Variants in ZNF81 observed in about 807,000 individuals in gnomAD.
ZNF81 encodes zinc finger protein 81 (HFZ20).
Under a neutral mutation model 32.3 loss-of-function variants are expected in ZNF81, and 5 were observed. The observed-to-expected ratio is 0.15, with a 90% CI of 0.08 to 0.33. ZNF81 has a LOEUF of 0.33. Ranked by LOEUF, ZNF81 falls within the 10% of genes least tolerant of loss-of-function variation. The pLI is 1.00. For missense variants in ZNF81, 379 were observed against 479.8 expected (o/e 0.79, Z 1.96); for synonymous variants, 163 against 166.8 (o/e 0.98, Z 0.17).
chrX:47,880,564 G>A (rs899271792), intron 2 of ZNF81, among the ~76,000 whole-genome samples: 22 of 112,048 alleles, frequency 2.0e-4, no homozygotes, highest in African/African-American at 6.2e-4. Flanking sequence ...CTTCTGTAAA[G>A]AATAAATTTC....
At chrX:47,881,933 T>A (rs1368868839) in intron 2 of ZNF81, among the ~76,000 whole-genome samples, 1 of 111,587 alleles carries the variant, frequency 9.0e-6, no homozygotes, top group African/African-American at 3.3e-5. Flanking sequence ...TATATCACCA[T>A]GCCTGGCTAA....
intron 3 of ZNF81, among the ~76,000 whole-genome samples, chrX:47,890,754 C>G (rs1279480742): frequency 1.8e-5 from 2 of 111,916 alleles, no homozygotes; most frequent in Non-Finnish European, 3.8e-5. Flanking sequence ...GTGTTACCTC[C>G]AAAATCCAAA....
chrX:47,858,736 T>C (rs1280398531), intron 2 of ZNF81, among the ~76,000 whole-genome samples: 6 of 112,169 alleles, frequency 5.3e-5, no homozygotes, highest in Non-Finnish European at 9.4e-5. Flanking sequence ...ATTTTAATGT[T>C]TCTTTTTAAT....
intron 4 of ZNF81, among the ~76,000 whole-genome samples, chrX:47,914,046 GA>G (rs1249227491): frequency 1.7e-4 from 18 of 108,940 alleles, no homozygotes; most frequent in Non-Finnish European, 2.5e-4. Context: ...TCTATTAGTG[GA>G]AAAAAAAAGA....
intron 1 of ZNF81, among the ~76,000 whole-genome samples, chrX:47,837,744 C>T (rs1389017826): frequency 1.8e-5 from 2 of 112,335 alleles, no homozygotes; most frequent in Admixed American, 1.9e-4. Flanking sequence ...GCCAGTACTA[C>T]CTTGCTGTCT....
chrX:47,887,077 ACTT>A (rs2058644594), intron 2 of ZNF81, among the ~76,000 whole-genome samples: 1 of 111,414 alleles, frequency 9.0e-6, no homozygotes, highest in East Asian at 2.8e-4. Flanking sequence ...TGTTGAAAAG[ACTT>A]CACTTTCGCC....
chrX:47,913,979 A>G (rs1365526933), intron 4 of ZNF81, among the ~76,000 whole-genome samples: 2 of 111,809 alleles, frequency 1.8e-5, no homozygotes, highest in Non-Finnish European at 3.8e-5. Context: ...AGGCAAGAAG[A>G]TACATGTGTA....
Position 47,919,821 on chromosome X carries a change from G to T in ZNF81, c.*3189G>T, listed in dbSNP as rs1431057675. On this transcript the variant is annotated 3_prime_UTR_variant, in exon 5 of 5. Transcript: ENST00000338637. ...TTAGGATTTTAACATATGAATTTTGGGGGGGATGCAATCATTCAGCCCATA... is the reference window on the plus strand; with the variant it reads ...TTAGGATTTTAACATATGAATTTTGTGGGGGATGCAATCATTCAGCCCATA... 9.0e-6 allele frequency: 1 copy of T among 111,093 alleles called. No homozygotes were observed. Among genetic ancestry groups the T allele is most frequent in the Non-Finnish European group, 1.9e-5 (1 of 53,018 alleles). 9.2% of individuals were successfully genotyped at this position (111,093 alleles called of 1,213,427 possible).
rs2058774246 is a variant in ZNF81, at chrX:47,920,826, C to A, written c.*4194C>A. ...CCTTAGGTCTACAGCTCTCATGAGT[C>A]TCCCGCACTCAGCCTTTAGCAATTC... On this transcript the variant is annotated 3_prime_UTR_variant, in exon 5 of 5. Transcript: ENST00000338637. 9.0e-6 allele frequency: 1 copy of A among 111,096 alleles called. No homozygotes were observed. The highest frequency in any genetic ancestry group is 3.3e-5 in the African/African-American group (1 of 30,502). 9.2% of individuals were successfully genotyped at this position (111,096 alleles called of 1,213,427 possible).
At chrX:47,846,742 C>A (rs1013898515) in intron 2 of ZNF81, among the ~76,000 whole-genome samples, 2 of 111,738 alleles carry the variant, frequency 1.8e-5, no homozygotes, top group African/African-American at 6.5e-5. Flanking sequence ...CAGAAGCAAG[C>A]ACCCTTACTC....
intron 4 of ZNF81, among the ~76,000 whole-genome samples, chrX:47,900,162 A>C (rs142419462): frequency 7.2e-4 from 81 of 111,768 alleles, no homozygotes; most frequent in African/African-American, 2.6e-3. Context: ...TTGAGGAAGA[A>C]GAAAAAGTAC....
intron 4 of ZNF81, among the ~76,000 whole-genome samples, chrX:47,910,697 G>C (rs782253026): frequency 6.3e-5 from 7 of 111,872 alleles, no homozygotes; most frequent in Non-Finnish European, 1.3e-4. Context: ...ACTAGGTGCT[G>C]TATTATAATA....
At chrX:47,906,801 A>T (rs1556889231) in intron 4 of ZNF81, among the ~76,000 whole-genome samples, 4 of 112,663 alleles carry the variant, frequency 3.6e-5, no homozygotes, top group African/African-American at 9.7e-5. Flanking sequence ...TAGGCGACAG[A>T]GCGAGACTCC....
intron 3 of ZNF81, among the ~76,000 whole-genome samples, chrX:47,892,784 T>C (rs1262970568): frequency 8.8e-6 from 1 of 113,026 alleles, no homozygotes; most frequent in East Asian, 2.8e-4. Context: ...TGCCGTTCTT[T>C]TGGTGTACAC....
At chrX:47,843,997 T>G (rs960034452) in intron 1 of ZNF81, among the ~76,000 whole-genome samples, 3 of 112,273 alleles carry the variant, frequency 2.7e-5, no homozygotes, top group Non-Finnish European at 5.6e-5. Flanking sequence ...TATTTATTTT[T>G]AATTAAAACC....
intron 1 of ZNF81, chrX:47,841,746 G>T (rs782222359): frequency 4.4e-6 from 2 of 458,159 alleles, no homozygotes; most frequent in Non-Finnish European, 7.4e-6. Context: ...CTTGCTGGAG[G>T]ATTACAAGTT....
At chrX:47,852,123 T>C (rs377766229) in intron 2 of ZNF81, among the ~76,000 whole-genome samples, 49 of 112,689 alleles carry the variant, frequency 4.3e-4, no homozygotes, top group African/African-American at 1.5e-3. Context: ...GTCTATTAAG[T>C]GTACAATAGC....
rs150951146 is a variant in ZNF81, at chrX:47,885,330, A to C, written c.55-2669A>C. Among the ~76,000 whole-genome samples the C allele has an allele frequency of 7.2e-3, 809 of 111,827 alleles. 36 individuals carry two copies. The East Asian group carries it at 0.13, about 18-fold the overall frequency. On this transcript the variant is annotated intron_variant, in intron 2 of 4. Transcript: ENST00000338637. ...ATTTGCAAAACTTATTGAATCTATA[A>C]GTGTATGTCTTTCACCAAATTTGAG...
At chrX:47,856,075 A>C (rs976128853) in intron 2 of ZNF81, among the ~76,000 whole-genome samples, 19 of 97,500 alleles carry the variant, frequency 1.9e-4, no homozygotes, top group Non-Finnish European at 3.8e-4. Context: ...AAAAAAAAAA[A>C]GAATTGAGTA....
Sources: allele counts gnomAD v4.1 joint callset (sites outside exome capture counted in the v4.1 genomes callset), GRCh38; gene constraint gnomAD v4.1.1; transcripts MANE v1.5; gene names NCBI Gene and HGNC (gene_info 2026-07-23, HGNC 2026-07-21).